The following INTS8 variants were observed in gnomAD, a reference collection of about 807,000 sequenced individuals.
INTS8 encodes the protein integrator complex subunit 8, also known as protein kaonashi-1.
Under a neutral mutation model 138.9 loss-of-function variants are expected in INTS8, and 47 were observed. The observed-to-expected ratio is 0.34, with a 90% CI of 0.27 to 0.43. The LOEUF (loss-of-function observed/expected upper bound fraction) is 0.43, where lower values mean the gene tolerates loss of function less well. Ranked by LOEUF, INTS8 falls within the 20% of genes least tolerant of loss-of-function variation. The pLI is 1.00. For missense variants in INTS8, 996 were observed against 1,173.0 expected (o/e 0.85, Z 2.20); for synonymous variants, 392 against 400.9 (o/e 0.98, Z 0.27).
chr8:94,824,132 A>G (rs1401955403), intron 1 of INTS8, among the ~76,000 whole-genome samples: 2 of 152,248 alleles, frequency 1.3e-5, no homozygotes, highest in Non-Finnish European at 2.9e-5. Flanking sequence ...ATAATGATTA[A>G]TAGCCCAGTT....
chr8:94,868,417 A>G (rs1452014138), intron 20 of INTS8, among the ~76,000 whole-genome samples: 1 of 152,140 alleles, frequency 6.6e-6, no homozygotes, highest in Admixed American at 6.5e-5. Flanking sequence ...TTCCGTCTCA[A>G]TCTTAGAGAT....
chr8:94,851,584 G>A lies in INTS8; in HGVS notation c.1539G>A (p.Glu513=), dbSNP rs1275530198. 3.1e-6 allele frequency: 5 copies of A among 1,593,532 alleles called. No individual in the cohort carries two copies. The highest frequency in any genetic ancestry group is 3.4e-6 in the Non-Finnish European group (4 of 1,172,644). Reference sequence around the variant, plus strand: ...CAAGTGTCAACATTGGTCAGTTAGAGCATCAACTTATATTGTCAGTGGATC... The same window carrying A: ...CAAGTGTCAACATTGGTCAGTTAGAACATCAACTTATATTGTCAGTGGATC... ...ASASVNIGQL[E]HQLILSVDPW... is the part of the protein sequence containing the mutation. The change falls in exon 13 of 27, where the codon GAG becomes GAA. Residue 513 remains glutamate (E), a synonymous_variant. Transcript: ENST00000523731.
At chr8:94,832,484 G>A (rs1302311531) in intron 6 of INTS8, among the ~76,000 whole-genome samples, 1 of 152,110 alleles carries the variant, frequency 6.6e-6, no homozygotes, top group Non-Finnish European at 1.5e-5. Flanking sequence ...AATCTGATCA[G>A]ACCAAAAGAA....
chr8:94,841,033 C>T (rs1815116712), intron 8 of INTS8, among the ~76,000 whole-genome samples: 1 of 151,754 alleles, frequency 6.6e-6, no homozygotes, highest in South Asian at 2.1e-4. Flanking sequence ...CTTCCTCAGC[C>T]TCTCCAGTAG....
In INTS8 at chr8:94,823,462, G is replaced by A; in HGVS notation, c.31G>A (p.Ala11Thr). ...CGCGGAGGCGGCGGACCGGGAGGCG[G>A]CCACCTCCAGCCGGCCCTGCACCCC... Reference protein sequence around the residue: MSAEAADREAATSSRPCTPPQ... With the variant: MSAEAADREATTSSRPCTPPQ... Residue 11 changes from alanine (A) to threonine (T), a missense_variant, in exon 1 of 27, where the codon GCC becomes ACC. Transcript: ENST00000523731. 1 of 1,543,570 alleles carries A rather than the reference G, an allele frequency of 6.5e-7. No individual in the cohort carries two copies. Among genetic ancestry groups the A allele is most frequent in the Middle Eastern group, 1.8e-4 (1 of 5,476 alleles).
intron 5 of INTS8, among the ~76,000 whole-genome samples, chr8:94,831,297 A>C (rs554608912): frequency 1.4e-4 from 21 of 152,032 alleles, no homozygotes; most frequent in East Asian, 7.7e-4. Context: ...TAGTTTTAGT[A>C]GAAACAGGAT....
At position 94,880,834 on chromosome 8, in the gene INTS8, G is replaced by A. The variant is rs1322197594; in HGVS notation, c.*600G>A. ...TTCCTCATATAAATAGTTTGAAAGG[G>A]TACTTAAGTTTTTCACCCAAATTGT... On this transcript the variant is annotated 3_prime_UTR_variant, in exon 27 of 27. Transcript: ENST00000523731. 2.5e-6 allele frequency: 1 copy of A among 398,458 alleles called. No individual in the cohort carries two copies. Among genetic ancestry groups the A allele is most frequent in the Non-Finnish European group, 4.4e-6 (1 of 225,800 alleles). The allele number at this position is 398,458 out of a possible 1,614,324, so 24.7% of individuals were successfully genotyped here.
intron 16 of INTS8, 85 bp from the exon 17 acceptor site, chr8:94,865,421 C>CT: frequency 9.3e-7 from 1 of 1,078,958 alleles, no homozygotes; most frequent in African/African-American, 1.6e-5. Context: ...GTCATTCCAT[C>CT]TTTCCTCCAG....
intron 21 of INTS8, among the ~76,000 whole-genome samples, chr8:94,873,110 C>T (rs533648274): frequency 6.6e-6 from 1 of 152,330 alleles, no homozygotes; most frequent in South Asian, 2.1e-4. Flanking sequence ...AGCTTGATAG[C>T]TGTCAATTTC....
At position 94,876,227 on chromosome 8, in the gene INTS8, T is replaced by A; in HGVS notation, c.2769T>A (p.Asp923Glu). 6.2e-7 allele frequency: 1 copy of A among 1,612,096 alleles called. No homozygotes were observed. Among genetic ancestry groups the A allele is most frequent in the Non-Finnish European group, 8.5e-7 (1 of 1,178,620 alleles). Residue 923 changes from aspartate (D) to glutamate (E), a missense_variant, in exon 25 of 27, where the codon GAT (aspartate) becomes GAA (glutamate). Physicochemically the swap from Asp to Glu is conservative, Grantham distance 45. Transcript: ENST00000523731. Reference sequence around the variant, plus strand: ...ACTGAATTCTGTCTTTCAGTCATGATGCTATGGACTCCTACTACGACTACA... The same window carrying A: ...ACTGAATTCTGTCTTTCAGTCATGAAGCTATGGACTCCTACTACGACTACA... ...FKSLQEQNSH[D>E]AMDSYYDYIW...
intron 20 of INTS8, among the ~76,000 whole-genome samples, chr8:94,870,930 C>T (rs972474852): frequency 2.6e-5 from 4 of 151,990 alleles, no homozygotes; most frequent in Admixed American, 6.6e-5. Flanking sequence ...TGACTCTGTA[C>T]CTGAAGGTGT....
chr8:94,876,306 G>C (rs776248882), intron 25 of INTS8, 21 bp downstream of exon 25: 2 of 1,579,754 alleles, frequency 1.3e-6, no homozygotes, highest in East Asian at 2.2e-5. Context: ...ATCCATGTGT[G>C]TGATGTTAGA....
intron 6 of INTS8, among the ~76,000 whole-genome samples, chr8:94,834,605 G>A (rs1814855414): frequency 6.6e-6 from 1 of 151,758 alleles, no homozygotes; most frequent in Non-Finnish European, 1.5e-5. Flanking sequence ...TCGGCAGGCT[G>A]AGGCAGGAGA....
chr8:94,856,792 A>G lies in INTS8; in HGVS notation c.1768A>G (p.Lys590Glu), dbSNP rs1264918521. 3 of 1,614,016 alleles carry G rather than the reference A, an allele frequency of 1.9e-6. No homozygotes were observed. The highest frequency in any genetic ancestry group is 2.7e-5 in the African/African-American group (2 of 74,920). ...CTTTTCATAGGACTTTTCCCATGCTAAACAGCTCTTTGCTGCTTGTTTGGA... is the reference window on the plus strand; with the variant it reads ...CTTTTCATAGGACTTTTCCCATGCTGAACAGCTCTTTGCTGCTTGTTTGGA... ...CSTVKDFSHA[K>E]QLFAACLELV... Residue 590 changes from lysine (K) to glutamate (E), a missense_variant, in exon 15 of 27, where the codon AAA becomes GAA. Transcript: ENST00000523731.
rs1407339623 is a variant in INTS8, at chr8:94,827,471, A to T, written c.446+68A>T. 8 of 1,538,010 alleles carry T rather than the reference A, an allele frequency of 5.2e-6. No homozygotes were observed. The East Asian group carries it at 1.1e-4, about 22-fold the overall frequency. ...TTTTATTGCACTGTGGCTTTCAAGG[A>T]TATTCTTTTAATGGACCCATTCTGC... On this transcript the variant is annotated intron_variant, in intron 3 of 26. Transcript: ENST00000523731.
At chr8:94,863,965 G>A (rs1365790690) in intron 16 of INTS8, among the ~76,000 whole-genome samples, 1 of 152,122 alleles carries the variant, frequency 6.6e-6, no homozygotes, top group Non-Finnish European at 1.5e-5. Context: ...GAAAGCCACA[G>A]TACTCTTGTT....
chr8:94,876,569 T>A (rs561718426), intron 26 of INTS8, 80 bp downstream of exon 26: 6 of 872,516 alleles, frequency 6.9e-6, no homozygotes, highest in Middle Eastern at 2.2e-4. Flanking sequence ...CAACAAAAAA[T>A]AGATTTTGTG....
chr8:94,827,056 G>A (rs978503815), intron 2 of INTS8, among the ~76,000 whole-genome samples: 3 of 152,120 alleles, frequency 2.0e-5, no homozygotes, highest in African/African-American at 7.2e-5. Flanking sequence ...AGTGAGCCAA[G>A]ATTGTGCCAC....
intron 20 of INTS8, among the ~76,000 whole-genome samples, chr8:94,870,894 G>A (rs774339408): frequency 3.9e-5 from 6 of 152,118 alleles, no homozygotes; most frequent in Admixed American, 6.5e-5. Context: ...TGCCGGCCTC[G>A]CTTTTCTCTT....
Sources: gnomAD v4.1 joint callset for allele counts (sites outside exome capture counted in the v4.1 genomes callset) on GRCh38, gnomAD v4.1.1 for gene constraint, MANE v1.5 for transcripts, NCBI Gene and HGNC (gene_info 2026-07-23, HGNC 2026-07-21) for gene names.